CDH18: variants seen among roughly 807,000 people sequenced by gnomAD.
The protein encoded by CDH18 is cadherin 18.
A neutral mutation model predicts 67.9 loss-of-function variants in CDH18; 31 were observed. That is an observed-to-expected ratio of 0.46 (90% confidence interval 0.34 to 0.62). CDH18 has a LOEUF of 0.62. Ranked by LOEUF, CDH18 falls within the 20% of genes least tolerant of loss-of-function variation. CDH18 has a pLI of 0.01. For missense variants in CDH18, 890 were observed against 975.5 expected, an observed-to-expected ratio of 0.91 and a Z score of 1.17; for synonymous variants, 362 against 347.2, an observed-to-expected ratio of 1.04 and a Z score of -0.48.
At chr5:19,688,989 T>C (rs1298271758) in intron 5 of CDH18, among the ~76,000 whole-genome samples, 2 of 152,022 alleles carry the variant, frequency 1.3e-5, no homozygotes, top group Non-Finnish European at 2.9e-5. Flanking sequence ...CCCAGTCAGA[T>C]AAAAAGTTTT....
intron 2 of CDH18, among the ~76,000 whole-genome samples, chr5:20,162,296 G>A (rs913294979): frequency 5.9e-5 from 9 of 151,432 alleles, no homozygotes; most frequent in African/African-American, 2.2e-4. Flanking sequence ...TCACAAAGTT[G>A]GTTTTCTCTT....
At chr5:20,529,374 G>A (rs1756262782) in intron 1 of CDH18, among the ~76,000 whole-genome samples, 1 of 150,064 alleles carries the variant, frequency 6.7e-6, no homozygotes. Context: ...GAATCGAAAA[G>A]GGGAACTCCT....
intron 1 of CDH18, among the ~76,000 whole-genome samples, chr5:20,307,314 A>G (rs1238341664): frequency 6.6e-6 from 1 of 152,048 alleles, no homozygotes; most frequent in Admixed American, 6.6e-5. Context: ...GGGCTTTAGC[A>G]TTGAGAATGG....
chr5:20,547,465 G>A (rs1367071594), intron 1 of CDH18, among the ~76,000 whole-genome samples: 1 of 151,750 alleles, frequency 6.6e-6, no homozygotes, highest in Admixed American at 6.6e-5. Flanking sequence ...GGAGGCTGAG[G>A]CAGGAGAATC....
At chr5:20,247,633 G>T (rs1368842044) in intron 2 of CDH18, among the ~76,000 whole-genome samples, 1 of 151,678 alleles carries the variant, frequency 6.6e-6, no homozygotes, top group African/African-American at 2.4e-5. Context: ...GCATGGTGGC[G>T]ATCACCTGTA....
At chr5:20,349,854 C>A (rs1054554619) in intron 1 of CDH18, among the ~76,000 whole-genome samples, 3 of 152,046 alleles carry the variant, frequency 2.0e-5, no homozygotes, top group African/African-American at 7.2e-5. Context: ...CTAAGATAAA[C>A]GAGCTGGAGC....
At chr5:19,623,339 T>A (rs1750991137) in intron 5 of CDH18, among the ~76,000 whole-genome samples, 1 of 152,108 alleles carries the variant, frequency 6.6e-6, no homozygotes, top group Admixed American at 6.6e-5. Context: ...TGGGGAGTAT[T>A]GAGATTATCT....
At chr5:20,236,518 A>T (rs1350814479) in intron 2 of CDH18, among the ~76,000 whole-genome samples, 1 of 151,922 alleles carries the variant, frequency 6.6e-6, no homozygotes, top group African/African-American at 2.4e-5. Context: ...TAATGGCATC[A>T]CTGAAGTTAT....
chr5:19,913,513 A>C (rs1398525401), intron 2 of CDH18, among the ~76,000 whole-genome samples: 1 of 152,186 alleles, frequency 6.6e-6, no homozygotes, highest in Non-Finnish European at 1.5e-5. Flanking sequence ...AACAAGTAAC[A>C]AACTAAACAG....
intron 3 of CDH18, among the ~76,000 whole-genome samples, chr5:19,837,481 G>T (rs1282194852): frequency 6.6e-6 from 1 of 151,842 alleles, no homozygotes; most frequent in Admixed American, 6.6e-5. Flanking sequence ...ATTATGCTTT[G>T]ATGTTATTAC....
chr5:19,881,880 TTCATTC>T (rs1787698095), intron 2 of CDH18, among the ~76,000 whole-genome samples: 1 of 152,138 alleles, frequency 6.6e-6, no homozygotes, highest in Non-Finnish European at 1.5e-5. Context: ...CTTATACATG[TTCATTC>T]TGTATTCTAT....
intron 2 of CDH18, among the ~76,000 whole-genome samples, chr5:20,068,898 A>G: frequency 6.6e-6 from 1 of 152,184 alleles, no homozygotes; most frequent in East Asian, 1.9e-4. Context: ...CATAAACATG[A>G]TAATGAGAAA....
chr5:19,998,392 T>C (rs1437751719), intron 2 of CDH18, among the ~76,000 whole-genome samples: 1 of 152,188 alleles, frequency 6.6e-6, no homozygotes, highest in East Asian at 1.9e-4. Flanking sequence ...GCTGTTCTCA[T>C]TAATCTGGCT....
intron 2 of CDH18, among the ~76,000 whole-genome samples, chr5:20,187,841 C>T (rs1738222348): frequency 6.6e-6 from 1 of 151,506 alleles, no homozygotes; most frequent in African/African-American, 2.4e-5. Flanking sequence ...TTTTTAGCTT[C>T]TTAAAAATTA....
intron 3 of CDH18, among the ~76,000 whole-genome samples, chr5:19,758,468 T>C (rs993396289): frequency 1.3e-5 from 2 of 152,220 alleles, no homozygotes; most frequent in African/African-American, 4.8e-5. Context: ...CAAGCACCGT[T>C]GGATCTACTG....
chr5:20,340,444 A>C (rs112722065), intron 1 of CDH18, among the ~76,000 whole-genome samples: 2,128 of 152,222 alleles, frequency 0.014, 54 homozygotes, highest in African/African-American at 0.048. Context: ...CCTGAGCTGC[A>C]CCTGTTAATT....
intron 1 of CDH18, among the ~76,000 whole-genome samples, chr5:20,533,980 G>C (rs1303933489): frequency 6.6e-6 from 1 of 151,892 alleles, no homozygotes; most frequent in Non-Finnish European, 1.5e-5. Context: ...CCTAAGTATA[G>C]TTAAAATTTT....
intron 2 of CDH18, among the ~76,000 whole-genome samples, chr5:19,952,698 C>A (rs1297306118): frequency 6.6e-6 from 1 of 152,162 alleles, no homozygotes; most frequent in Non-Finnish European, 1.5e-5. Flanking sequence ...TTTTACAACA[C>A]ATAGAACTGG....
chr5:19,819,409 G>T (rs1298699614), intron 3 of CDH18, among the ~76,000 whole-genome samples: 1 of 152,164 alleles, frequency 6.6e-6, no homozygotes, highest in Non-Finnish European at 1.5e-5. Flanking sequence ...ATCACATTCT[G>T]AACAGATCTT....
Sources: allele counts gnomAD v4.1 joint callset (sites outside exome capture counted in the v4.1 genomes callset), GRCh38; gene constraint gnomAD v4.1.1; transcripts MANE v1.5; gene names NCBI Gene and HGNC (gene_info 2026-07-23, HGNC 2026-07-21).